The following COL4A5 variants were observed in gnomAD, a reference collection of about 807,000 sequenced individuals.
COL4A5 encodes collagen type IV alpha 5 chain.
Under a neutral mutation model 130.2 loss-of-function variants are expected in COL4A5, and 26 were observed. That is an observed-to-expected ratio of 0.20 (90% CI 0.15 to 0.28). The LOEUF is 0.28. Among genes scored for constraint, COL4A5 ranks in the 10% least tolerant of loss-of-function variants. COL4A5 has a pLI of 1.00. For synonymous variants in COL4A5, 496 were observed against 439.6 expected (o/e 1.13, Z -1.60); for missense variants, 1,131 against 1,344.3 (o/e 0.84, Z 2.48).
intron 36 of COL4A5, among the ~76,000 whole-genome samples, chrX:108,648,628 A>G (rs925662783): frequency 1.3e-4 from 15 of 112,149 alleles, no homozygotes; most frequent in Admixed American, 1.1e-3. Flanking sequence ...ACAGAATTAA[A>G]AACAAAAGTC....
At chrX:108,563,383 T>A (rs1352994992) in intron 3 of COL4A5, among the ~76,000 whole-genome samples, 2 of 111,113 alleles carry the variant, frequency 1.8e-5, no homozygotes, top group Admixed American at 1.9e-4. Flanking sequence ...TCTTTTTAAA[T>A]CGTTCTTACG....
intron 34 of COL4A5, among the ~76,000 whole-genome samples, chrX:108,624,905 T>G (rs2067124350): frequency 9.0e-6 from 1 of 111,252 alleles, no homozygotes; most frequent in South Asian, 3.8e-4. Context: ...TTTAGTTTGT[T>G]TCCTAAGGAA....
intron 43 of COL4A5, among the ~76,000 whole-genome samples, chrX:108,675,648 T>A (rs111998045): frequency 9.0e-6 from 1 of 111,567 alleles, no homozygotes; most frequent in Non-Finnish European, 1.9e-5. Context: ...GTAAAACAAT[T>A]GTTGTACTAT....
At chrX:108,599,853 AC>A (rs2066595754) in intron 25 of COL4A5, among the ~76,000 whole-genome samples, 2 of 112,418 alleles carry the variant, frequency 1.8e-5, no homozygotes, top group African/African-American at 6.5e-5. Flanking sequence ...CAAAAGGCTT[AC>A]CAATACCTGG....
chrX:108,450,223 G>C (rs2064494407), intron 1 of COL4A5, among the ~76,000 whole-genome samples: 1 of 112,078 alleles, frequency 8.9e-6, no homozygotes, highest in African/African-American at 3.2e-5. Context: ...GCAATTGTTT[G>C]AGTTACGAGC....
At chrX:108,563,421 A>G (rs917284069) in intron 3 of COL4A5, among the ~76,000 whole-genome samples, 6 of 111,426 alleles carry the variant, frequency 5.4e-5, no homozygotes, top group African/African-American at 2.0e-4. Flanking sequence ...GCATTATAAA[A>G]CAAAGCAGAG....
At chrX:108,692,305 A>G (rs2068650318) in intron 49 of COL4A5, among the ~76,000 whole-genome samples, 1 of 111,022 alleles carries the variant, frequency 9.0e-6, no homozygotes, top group African/African-American at 3.3e-5. Context: ...GGCCAGCATT[A>G]CTATTGTCCC....
At chrX:108,457,485 A>T (rs2064595584) in intron 1 of COL4A5, among the ~76,000 whole-genome samples, 2 of 112,167 alleles carry the variant, frequency 1.8e-5, no homozygotes, top group Non-Finnish European at 3.8e-5. Context: ...GTAATTAAAA[A>T]TAAAATTTTT....
At chrX:108,628,027 T>G (rs1336429547) in intron 36 of COL4A5, among the ~76,000 whole-genome samples, 2 of 111,069 alleles carry the variant, frequency 1.8e-5, no homozygotes, top group Non-Finnish European at 3.8e-5. Context: ...TACAAAATTA[T>G]ACTATACATC....
intron 1 of COL4A5, among the ~76,000 whole-genome samples, chrX:108,531,189 T>C (rs1318279226): frequency 9.6e-5 from 7 of 72,803 alleles, no homozygotes; most frequent in African/African-American, 3.8e-4. Context: ...AAGGGGAACA[T>C]CACACTCTGG....
At position 108,440,154 on chromosome X, in the gene COL4A5, C is replaced by T; in HGVS notation, c.29C>T (p.Ala10Val). Residue 10 changes from alanine (A) to valine (V), a missense_variant, in exon 1 of 53, where the codon GCC becomes GTC. Transcript: ENST00000328300. ...AAACTGCGTGGAGTCAGCCTGGCTG[C>T]CGGCTTGTTCTTACTGGCCCTGAGT... MKLRGVSLAAGLFLLALSLW... is the reference protein window; with the variant it reads MKLRGVSLAVGLFLLALSLW... The T allele has an allele frequency of 4.1e-6, 5 of 1,208,949 alleles. No homozygotes were observed. Among genetic ancestry groups the T allele is most frequent in the Non-Finnish European group, 5.6e-6 (5 of 894,413 alleles).
At chrX:108,607,361 A>C (rs1384369852) in intron 29 of COL4A5, among the ~76,000 whole-genome samples, 2 of 108,532 alleles carry the variant, frequency 1.8e-5, no homozygotes, top group African/African-American at 6.7e-5. Context: ...AAAAAAAAAA[A>C]AAAAAACAAT....
intron 30 of COL4A5, among the ~76,000 whole-genome samples, chrX:108,617,810 A>G (rs1012877007): frequency 8.9e-6 from 1 of 112,052 alleles, no homozygotes; most frequent in African/African-American, 3.2e-5. Flanking sequence ...AGGACAAAGC[A>G]TATGGCTAAA....
chrX:108,597,644 A>G (rs888945379), intron 24 of COL4A5, 76 bp downstream of exon 24: 4 of 907,703 alleles, frequency 4.4e-6, no homozygotes, highest in Admixed American at 2.6e-5. Context: ...AATTCAAAGG[A>G]TGGGACTGAT....
intron 2 of COL4A5, among the ~76,000 whole-genome samples, chrX:108,542,820 T>C (rs1180813665): frequency 1.9e-5 from 2 of 106,598 alleles, no homozygotes; most frequent in South Asian, 8.2e-4. Flanking sequence ...TGAGATGGTA[T>C]CTCATTGTGG....
intron 1 of COL4A5, among the ~76,000 whole-genome samples, chrX:108,499,831 C>T (rs1021615639): frequency 9.0e-5 from 10 of 110,889 alleles, no homozygotes; most frequent in Non-Finnish European, 3.8e-5. Context: ...CATATGTATA[C>T]GTTTATATAT....
chrX:108,659,326 C>A (rs1270615838), intron 37 of COL4A5, among the ~76,000 whole-genome samples: 1 of 110,962 alleles, frequency 9.0e-6, no homozygotes, highest in Non-Finnish European at 1.9e-5. Context: ...TAGGGTTTAT[C>A]TGGGTGAATT....
chrX:108,546,390 A>G (rs1233884300), intron 2 of COL4A5, among the ~76,000 whole-genome samples: 2 of 111,682 alleles, frequency 1.8e-5, no homozygotes, highest in Non-Finnish European at 3.8e-5. Context: ...CTGGATATGA[A>G]ATTCTGGGTT....
intron 22 of COL4A5, among the ~76,000 whole-genome samples, chrX:108,596,773 T>C (rs1187063291): frequency 2.7e-5 from 3 of 112,491 alleles, no homozygotes; most frequent in African/African-American, 9.7e-5. Flanking sequence ...TACAATATTG[T>C]ATGTAACATG....
Sources: gnomAD v4.1 joint callset for allele counts (sites outside exome capture counted in the v4.1 genomes callset) on GRCh38, gnomAD v4.1.1 for gene constraint, MANE v1.5 for transcripts, NCBI Gene and HGNC (gene_info 2026-07-23, HGNC 2026-07-21) for gene names.